RMST: variants seen among roughly 807,000 people sequenced by gnomAD.
The protein encoded by RMST is long intergenic non-protein coding RNA 54.
intron 13 of RMST, among the ~76,000 whole-genome samples, chr12:97,561,296 T>C (rs1362735011): frequency 2.6e-5 from 4 of 152,230 alleles, no homozygotes; most frequent in African/African-American, 9.6e-5. Flanking sequence ...ACTAGCTGTA[T>C]GCATTTGTGT....
At chr12:97,502,300 C>G (rs1878165001) in intron 10 of RMST, among the ~76,000 whole-genome samples, 1 of 152,096 alleles carries the variant, frequency 6.6e-6, no homozygotes, top group Non-Finnish European at 1.5e-5. Flanking sequence ...AATTCATGCA[C>G]TGATTATTCA....
chr12:97,564,079 A>G (rs1379996725), intron 13 of RMST: 2 of 337,228 alleles, frequency 5.9e-6, no homozygotes, highest in Non-Finnish European at 1.2e-5. Context: ...ATTCGTAATC[A>G]TTGATTAACA....
chr12:97,525,725 A>T (rs1202262765), intron 10 of RMST, among the ~76,000 whole-genome samples: 1 of 152,180 alleles, frequency 6.6e-6, no homozygotes, highest in Non-Finnish European at 1.5e-5. Flanking sequence ...CAAAAGGGTA[A>T]TATACCAGGG....
chr12:97,554,521 A>G (rs2136658038), intron 11 of RMST, among the ~76,000 whole-genome samples: 1 of 152,292 alleles, frequency 6.6e-6, no homozygotes, highest in East Asian at 1.9e-4. Flanking sequence ...GTTTCAGTAA[A>G]CACTTTTAAT....
chr12:97,465,359 T>G (rs1304090138), intron 4 of RMST, among the ~76,000 whole-genome samples: 1 of 152,312 alleles, frequency 6.6e-6, no homozygotes, highest in East Asian at 1.9e-4. Context: ...TGCTACTTAA[T>G]GGTCTCTAGG....
chr12:97,502,813 C>T (rs1332461204), intron 10 of RMST, among the ~76,000 whole-genome samples: 1 of 152,096 alleles, frequency 6.6e-6, no homozygotes, highest in Non-Finnish European at 1.5e-5. Flanking sequence ...GGAAGTGCTT[C>T]ACAAAATAGT....
intron 10 of RMST, among the ~76,000 whole-genome samples, chr12:97,528,412 T>C (rs947442203): frequency 5.9e-5 from 9 of 152,112 alleles, no homozygotes; most frequent in Admixed American, 1.3e-4. Flanking sequence ...TTCTTATAGA[T>C]ACTATTGCAA....
chr12:97,547,806 T>G (rs933269480), intron 11 of RMST, among the ~76,000 whole-genome samples: 23 of 152,218 alleles, frequency 1.5e-4, no homozygotes, highest in Non-Finnish European at 2.5e-4. Context: ...CCTTATCACA[T>G]GTATAGTTTG....
intron 5 of RMST, among the ~76,000 whole-genome samples, chr12:97,482,022 A>G (rs1440503037): frequency 1.3e-5 from 2 of 152,226 alleles, no homozygotes; most frequent in Non-Finnish European, 2.9e-5. Context: ...CCTATGTTTT[A>G]CAACACTGTT....
intron 5 of RMST, among the ~76,000 whole-genome samples, chr12:97,471,355 A>G (rs529180604): frequency 1.3e-5 from 2 of 152,252 alleles, no homozygotes; most frequent in South Asian, 2.1e-4. Flanking sequence ...TCTAACTTAT[A>G]TGGGAGGACC....
intron 11 of RMST, chr12:97,552,357 T>A (rs1337618364): frequency 6.6e-6 from 1 of 152,224 alleles, no homozygotes; most frequent in Non-Finnish European, 1.5e-5. Context: ...CCAATTAACC[T>A]GACATAAAAT....
At chr12:97,493,432 A>G (rs1474724553) in intron 7 of RMST, 1 of 152,514 alleles carries the variant, frequency 6.6e-6, no homozygotes, top group Non-Finnish European at 1.5e-5. Context: ...AAATGAGAAA[A>G]TGTAAGTAGA....
intron 10 of RMST, among the ~76,000 whole-genome samples, chr12:97,507,838 A>G (rs1347997256): frequency 6.6e-6 from 1 of 152,190 alleles, no homozygotes; most frequent in East Asian, 1.9e-4. Context: ...GAATGAAAGC[A>G]TGGAAGAACA....
At chr12:97,487,339 C>T (rs1229390529) in intron 5 of RMST, among the ~76,000 whole-genome samples, 1 of 152,078 alleles carries the variant, frequency 6.6e-6, no homozygotes, top group African/African-American at 2.4e-5. Context: ...TTTAAACTTT[C>T]CATTTGATAT....
At chr12:97,537,896 C>T (rs917184753) in intron 11 of RMST, among the ~76,000 whole-genome samples, 1 of 151,354 alleles carries the variant, frequency 6.6e-6, no homozygotes, top group South Asian at 2.1e-4. Flanking sequence ...GAGATATATT[C>T]ATGTGTTTTT....
intron 10 of RMST, among the ~76,000 whole-genome samples, chr12:97,515,043 C>T (rs1407968595): frequency 3.3e-5 from 5 of 151,906 alleles, no homozygotes; most frequent in Admixed American, 1.3e-4. Context: ...AAGCATACTG[C>T]GTGATAGTAA....
rs142496329 is a variant in RMST at position 97,486,563 on chromosome 12, A to C, written n.645-5898A>C. 1.8e-4 allele frequency among the ~76,000 whole-genome samples: 27 copies of C among 152,378 alleles called. No individual in the cohort carries two copies. The East Asian group carries it at 5.0e-3, about 28-fold the overall frequency. On this transcript the variant is annotated intron_variant and non_coding_transcript_variant, in intron 5 of 13. Transcript: ENST00000640149. The stretch of plus-strand genomic sequence containing the variant: ...TACTGAATGTAAATTTCGAACCAGA[A>C]TAAAGCTGATAACAAAGCAATACTA...
chr12:97,486,069 G>C (rs1876063346), intron 5 of RMST, among the ~76,000 whole-genome samples: 1 of 152,166 alleles, frequency 6.6e-6, no homozygotes, highest in South Asian at 2.1e-4. Context: ...ATACTAGCAA[G>C]ACCATGATAG....
intron 11 of RMST, among the ~76,000 whole-genome samples, chr12:97,535,938 A>G (rs112714682): frequency 1.9e-4 from 29 of 151,740 alleles, no homozygotes; most frequent in African/African-American, 7.0e-4. Flanking sequence ...AGTTCATTGA[A>G]AACCAATCAT....
Sources: allele counts gnomAD v4.1 joint callset (sites outside exome capture counted in the v4.1 genomes callset), GRCh38; gene constraint gnomAD v4.1.1; transcripts MANE v1.5; gene names NCBI Gene and HGNC (gene_info 2026-07-23, HGNC 2026-07-21).